KBTBD12: variants seen among roughly 807,000 people sequenced by gnomAD.
KBTBD12 encodes kelch repeat and BTB domain-containing protein 12.
A neutral mutation model predicts 58.7 loss-of-function variants in KBTBD12; 53 were observed. That is an observed-to-expected ratio of 0.90 (90% CI 0.72 to 1.14). KBTBD12 has a LOEUF of 1.14. Ranked by LOEUF, KBTBD12 falls within the 50% of genes most tolerant of loss-of-function variation. KBTBD12 has a pLI of 0.00. For synonymous variants in KBTBD12, 236 were observed against 259.8 expected (o/e 0.91, Z 0.88); for missense variants, 704 against 751.3 (o/e 0.94, Z 0.74).
At chr3:127,938,343 G>A (rs1319008421) in intron 4 of KBTBD12, among the ~76,000 whole-genome samples, 1 of 152,134 alleles carries the variant, frequency 6.6e-6, no homozygotes, top group East Asian at 1.9e-4. Flanking sequence ...TATCCAGGAG[G>A]AGGACCAAGG....
intron 4 of KBTBD12, among the ~76,000 whole-genome samples, chr3:127,934,974 T>A (rs1207490681): frequency 6.6e-6 from 1 of 152,004 alleles, no homozygotes; most frequent in Non-Finnish European, 1.5e-5. Context: ...CAGGAAGAAA[T>A]GAATAGCACA....
chr3:127,944,031 TA>T (rs1237899692), intron 4 of KBTBD12, among the ~76,000 whole-genome samples: 1 of 152,180 alleles, frequency 6.6e-6, no homozygotes, highest in Non-Finnish European at 1.5e-5. Context: ...TATTCCATTT[TA>T]TTGGTTTATG....
At chr3:127,932,265 T>C (rs1043333017) in intron 4 of KBTBD12, among the ~76,000 whole-genome samples, 1 of 152,152 alleles carries the variant, frequency 6.6e-6, no homozygotes, top group Non-Finnish European at 1.5e-5. Context: ...TTCCCAAATA[T>C]ATTTATAAAC....
intron 5 of KBTBD12, among the ~76,000 whole-genome samples, chr3:127,972,785 A>G (rs772587984): frequency 7.2e-5 from 11 of 152,240 alleles, no homozygotes; most frequent in Non-Finnish European, 1.6e-4. Context: ...GATTCAAAAT[A>G]ATTCAAACAT....
chr3:127,940,511 T>C lies in KBTBD12; in HGVS notation c.1492+10228T>C, dbSNP rs1211884122. Among the ~76,000 whole-genome samples the C allele has an allele frequency of 2.0e-5, 3 of 152,082 alleles. No homozygotes were observed. The East Asian group carries it at 5.8e-4, about 29-fold the overall frequency. On this transcript the variant is annotated intron_variant, in intron 4 of 5. Coordinates refer to ENST00000405109, the MANE Select transcript of KBTBD12 (RefSeq NM_207335.4). ...CGAAATCTCAAGAGAAATTAGAAAA[T>C]ATGTTATGCTGAATGAAAATGGAAA...
chr3:127,930,022 C>T, intron 3 of KBTBD12, 111 bp from the exon 4 acceptor site: 2 of 895,322 alleles, frequency 2.2e-6, no homozygotes, highest in East Asian at 2.7e-5. Context: ...TGAGTCACTG[C>T]AGTTAACCTC....
In KBTBD12 at chr3:127,926,338, T is replaced by G. The variant is rs529922327; in HGVS notation, c.1071-1426T>G. ...AAAACCCAAACCCATTTTTTAAAGT[T>G]CATTTATATATTAATTCAGTTGGCT... On this transcript the variant is annotated intron_variant, in intron 2 of 5. Transcript: ENST00000405109. Among the ~76,000 whole-genome samples the G allele has an allele frequency of 4.7e-4, 72 of 152,322 alleles. 1 individual carries two copies. The highest frequency in any genetic ancestry group is 1.6e-3 in the African/African-American group (68 of 41,578).
At chr3:127,961,038 G>A (rs781329758) in intron 4 of KBTBD12, among the ~76,000 whole-genome samples, 2 of 152,050 alleles carry the variant, frequency 1.3e-5, no homozygotes, top group Non-Finnish European at 2.9e-5. Context: ...CCAGTGACTC[G>A]CATTTGACCT....
intron 5 of KBTBD12, among the ~76,000 whole-genome samples, chr3:127,966,864 A>C (rs894069042): frequency 6.6e-6 from 1 of 152,234 alleles, no homozygotes; most frequent in Non-Finnish European, 1.5e-5. Flanking sequence ...TCCTAAAGAG[A>C]AAAAACAATA....
intron 5 of KBTBD12, among the ~76,000 whole-genome samples, chr3:127,967,607 G>A (rs1940600885): frequency 6.6e-6 from 1 of 152,230 alleles, no homozygotes; most frequent in African/African-American, 2.4e-5. Context: ...ACCATGGTCA[G>A]TGCCAGCAGA....
intron 4 of KBTBD12, among the ~76,000 whole-genome samples, chr3:127,939,797 T>G (rs113100696): frequency 1.6e-3 from 249 of 152,158 alleles, no homozygotes; most frequent in African/African-American, 5.6e-3. Flanking sequence ...ATGACATCAA[T>G]TAGAAGACAG....
intron 1 of KBTBD12, among the ~76,000 whole-genome samples, chr3:127,922,327 T>G (rs1939430657): frequency 6.6e-6 from 1 of 152,156 alleles, no homozygotes; most frequent in African/African-American, 2.4e-5. Flanking sequence ...TTAAATATTG[T>G]GACTTTTCAG....
chr3:127,961,396 G>C (rs1440844818), intron 4 of KBTBD12, among the ~76,000 whole-genome samples: 2 of 152,204 alleles, frequency 1.3e-5, no homozygotes, highest in Non-Finnish European at 1.5e-5. Flanking sequence ...TATTTATCCA[G>C]TCGGATAAGA....
At chr3:127,929,908 G>T (rs930462130) in intron 3 of KBTBD12, among the ~76,000 whole-genome samples, 4 of 151,148 alleles carry the variant, frequency 2.6e-5, no homozygotes, top group African/African-American at 9.7e-5. Context: ...CAAATTGTTT[G>T]CTATAACCAT....
At chr3:127,940,698 GTAAA>G (rs79226262) in intron 4 of KBTBD12, among the ~76,000 whole-genome samples, 22,903 of 151,522 alleles carry the variant, frequency 0.15, 1,929 homozygotes, top group South Asian at 0.32. Context: ...GTAGAAGAAA[GTAAA>G]TAAAGATAGG....
chr3:127,984,126 T>C lies in KBTBD12; in HGVS notation c.1720T>C (p.Leu574=). Reference sequence around the variant, plus strand: ...CCATGAGGTTATCTCCAAAGAAATATTGGAACTGGACCCATGGGAAAACCA... The same window carrying C: ...CCATGAGGTTATCTCCAAAGAAATACTGGAACTGGACCCATGGGAAAACCA... ...DRHEVISKEI[L]ELDPWENQWN... Residue 574 remains leucine (L), a synonymous_variant, in exon 6 of 6, where the codon TTG becomes CTG. Transcript: ENST00000405109. 2.5e-6 allele frequency: 4 copies of C among 1,613,728 alleles called. No homozygotes were observed. The highest frequency in any genetic ancestry group is 3.4e-6 in the Non-Finnish European group (4 of 1,179,814).
intron 5 of KBTBD12, among the ~76,000 whole-genome samples, chr3:127,976,827 TTGTG>T (rs578006101): frequency 6.6e-6 from 1 of 152,234 alleles, no homozygotes; most frequent in Admixed American, 6.5e-5. Context: ...TCTGTTCTTT[TTGTG>T]TGTGTTAGTT....
At chr3:127,948,639 A>G (rs887560304) in intron 4 of KBTBD12, among the ~76,000 whole-genome samples, 5 of 152,228 alleles carry the variant, frequency 3.3e-5, no homozygotes, top group African/African-American at 1.2e-4. Flanking sequence ...TTCAAAGTAC[A>G]GATGGCCCTC....
intron 5 of KBTBD12, among the ~76,000 whole-genome samples, chr3:127,966,382 A>G (rs1189306689): frequency 6.6e-6 from 1 of 152,248 alleles, no homozygotes; most frequent in Non-Finnish European, 1.5e-5. Flanking sequence ...AAGTGCATAG[A>G]TGAAAGATAG....
Sources: gnomAD v4.1 joint callset for allele counts (sites outside exome capture counted in the v4.1 genomes callset) on GRCh38, gnomAD v4.1.1 for gene constraint, MANE v1.5 for transcripts, NCBI Gene and HGNC (gene_info 2026-07-23, HGNC 2026-07-21) for gene names.